Variants in CLMP observed in about 807,000 individuals in gnomAD.
CLMP encodes the protein CXADR-like membrane protein.
In CLMP, 27 loss-of-function variants were observed where a neutral mutation model predicts 45.2. That is an observed-to-expected ratio of 0.60 (90% CI 0.44 to 0.82). The LOEUF (loss-of-function observed/expected upper bound fraction) is 0.82, where lower values mean the gene tolerates loss of function less well. Among genes scored for constraint, CLMP ranks in the 40% least tolerant of loss-of-function variants. The pLI is 0.00. For missense variants in CLMP, 403 were observed against 448.4 expected (o/e 0.90, Z 0.91); for synonymous variants, 167 against 171.4 (o/e 0.97, Z 0.20).
chr11:123,120,503 C>T (rs572660189), intron 1 of CLMP, among the ~76,000 whole-genome samples: 2 of 152,194 alleles, frequency 1.3e-5, no homozygotes, highest in Non-Finnish European at 2.9e-5. Flanking sequence ...TCTAGTTCTA[C>T]AAGCTTGGGC....
chr11:123,150,472 A>AAGG (rs1861304616), intron 1 of CLMP, among the ~76,000 whole-genome samples: 8 of 84,342 alleles, frequency 9.5e-5, no homozygotes, highest in East Asian at 3.0e-4. Flanking sequence ...AGAAAGAAAG[A>AAGG]AAGAAAGAAA....
chr11:123,138,116 C>T (rs992950212), intron 1 of CLMP, among the ~76,000 whole-genome samples: 53 of 152,146 alleles, frequency 3.5e-4, no homozygotes, highest in African/African-American at 1.2e-3. Context: ...CCCTAATTCC[C>T]TCGGATGAGA....
At chr11:123,150,885 T>C (rs11822793) in intron 1 of CLMP, among the ~76,000 whole-genome samples, 41,207 of 152,050 alleles carry the variant, frequency 0.27, 5,830 homozygotes, top group South Asian at 0.34. Context: ...CCTAGCATAT[T>C]AGAGACGGGG....
chr11:123,164,460 C>T (rs1187058292), intron 1 of CLMP, among the ~76,000 whole-genome samples: 4 of 152,104 alleles, frequency 2.6e-5, no homozygotes, highest in African/African-American at 2.4e-5. Context: ...CGTGCCACCA[C>T]GCCTAGCTAG....
chr11:123,150,416 TAAGAAAGAAAGAAAGAAAGAAAGAAAGA>T (rs1166159977), intron 1 of CLMP, among the ~76,000 whole-genome samples: 10 of 30,936 alleles, frequency 3.2e-4, no homozygotes, highest in Admixed American at 4.7e-4. Flanking sequence ...GGAAGGAAGG[TAAGAAAGAAAGAAAGAAAGAAAGAAAGA>T]AAGAAAGAAA....
intron 1 of CLMP, among the ~76,000 whole-genome samples, chr11:123,149,250 G>A (rs952704822): frequency 3.3e-5 from 5 of 152,154 alleles, no homozygotes; most frequent in Non-Finnish European, 7.3e-5. Flanking sequence ...GCCTTCAGAG[G>A]AAACACCACT....
chr11:123,141,871 G>A (rs1354121824), intron 1 of CLMP, among the ~76,000 whole-genome samples: 4 of 151,670 alleles, frequency 2.6e-5, no homozygotes, highest in African/African-American at 7.3e-5. Flanking sequence ...CTTCGCTTTT[G>A]TATGAGAAAA....
At chr11:123,145,781 G>T (rs1289209574) in intron 1 of CLMP, among the ~76,000 whole-genome samples, 1 of 152,164 alleles carries the variant, frequency 6.6e-6, no homozygotes, top group Non-Finnish European at 1.5e-5. Context: ...TGGTTTTAAT[G>T]TGCTGACTGA....
At chr11:123,125,483 T>G in intron 1 of CLMP, among the ~76,000 whole-genome samples, 1 of 28,928 alleles carries the variant, frequency 3.5e-5, no homozygotes, top group Non-Finnish European at 6.8e-5. Context: ...CCCTCCTCCC[T>G]CCCTCCTTCC....
chr11:123,195,106 TG>T lies in CLMP; in HGVS notation c.-167del, dbSNP rs1197758390. ...GAGCCGGCCCCGCGCCCCGTGCCCC[TG>T]GGGGCAGATGGGCTCCCGGCGCTCG... is the stretch of plus-strand genomic sequence containing the variant. On this transcript the variant is annotated 5_prime_UTR_variant, in exon 1 of 7. Coordinates refer to ENST00000448775, the MANE Select transcript of CLMP (RefSeq NM_024769.5). The T allele has an allele frequency of 4.1e-5, 16 of 393,594 alleles. No homozygotes were observed. The highest frequency in any genetic ancestry group is 7.5e-4 in the Middle Eastern group (1 of 1,342). 24.4% of individuals were successfully genotyped at this position (393,594 alleles called of 1,614,324 possible).
intron 5 of CLMP, among the ~76,000 whole-genome samples, chr11:123,077,003 T>C (rs1591447935): frequency 2.7e-5 from 4 of 146,646 alleles, no homozygotes; most frequent in Admixed American, 2.7e-4. Flanking sequence ...TTTTTTTTTT[T>C]TTTTTTTTTT....
chr11:123,176,959 G>A (rs1861708172), intron 1 of CLMP, among the ~76,000 whole-genome samples: 1 of 152,180 alleles, frequency 6.6e-6, no homozygotes. Context: ...TACAGAGGAT[G>A]CAAAGAAGAA....
intron 2 of CLMP, among the ~76,000 whole-genome samples, chr11:123,086,738 T>A (rs1865869280): frequency 6.6e-6 from 1 of 152,154 alleles, no homozygotes; most frequent in Non-Finnish European, 1.5e-5. Context: ...GGGGGCCAGA[T>A]GCGTGGTGGT....
Position 123,148,732 on chromosome 11 carries a change from G to C in CLMP, c.28+46181C>G, listed in dbSNP as rs1447293108. ...CCCTCATGTCCTAGAAGCCTCATCT[G>C]TACCTGCCTAACATTTACAGTGGGA... is the stretch of plus-strand genomic sequence containing the variant. On this transcript the variant is annotated intron_variant, in intron 1 of 6. Transcript: ENST00000448775. Among the ~76,000 whole-genome samples, 5 of 152,168 alleles carry C rather than the reference G, an allele frequency of 3.3e-5. No homozygotes were observed. In the East Asian group the frequency reaches 5.8e-4, roughly 18 times the overall value.
In CLMP at chr11:123,073,294, C is replaced by G; in HGVS notation, c.*180G>C. 1 of 659,378 alleles carries G rather than the reference C, an allele frequency of 1.5e-6. No individual in the cohort carries two copies. The highest frequency in any genetic ancestry group is 2.5e-6 in the Non-Finnish European group (1 of 400,058). The allele number at this position is 659,378 out of a possible 1,614,324, so 40.8% of individuals were successfully genotyped here. ...TTTTTACAGATGAATCAGCTTACAT[C>G]CTTTTGCTTGTTTGGTATTGTATAA... On this transcript the variant is annotated 3_prime_UTR_variant, in exon 7 of 7. Transcript: ENST00000448775.
chr11:123,086,371 G>C (rs2135471291), intron 2 of CLMP, among the ~76,000 whole-genome samples: 1 of 152,312 alleles, frequency 6.6e-6, no homozygotes, highest in African/African-American at 2.4e-5. Flanking sequence ...AAGGAGAAAA[G>C]GCCTGGAGGG....
At chr11:123,161,159 G>A (rs1861482568) in intron 1 of CLMP, among the ~76,000 whole-genome samples, 1 of 152,152 alleles carries the variant, frequency 6.6e-6, no homozygotes, top group African/African-American at 2.4e-5. Flanking sequence ...CCAGCCCTGG[G>A]CCTAGCCCTG....
chr11:123,171,394 G>A lies in CLMP; in HGVS notation c.28+23519C>T, dbSNP rs79401927. Among the ~76,000 whole-genome samples the A allele has an allele frequency of 2.7e-3, 408 of 151,676 alleles. 1 individual carries two copies. The highest frequency in any genetic ancestry group is 8.7e-3 in the African/African-American group (361 of 41,414). On this transcript the variant is annotated intron_variant, in intron 1 of 6. Coordinates refer to ENST00000448775, the MANE Select transcript of CLMP (RefSeq NM_024769.5). ...AAAGGGAGTGGGACTGGAGAAGGGA[G>A]GGTATTTGGGAGACTATTCCCTAAG...
chr11:123,113,592 G>A (rs529803615), intron 1 of CLMP, among the ~76,000 whole-genome samples: 4 of 152,178 alleles, frequency 2.6e-5, no homozygotes, highest in Non-Finnish European at 4.4e-5. Flanking sequence ...TGACTTCTGC[G>A]TTTGGCAGAT....
Sources: allele counts gnomAD v4.1 joint callset (sites outside exome capture counted in the v4.1 genomes callset), GRCh38; gene constraint gnomAD v4.1.1; transcripts MANE v1.5; gene names NCBI Gene and HGNC (gene_info 2026-07-23, HGNC 2026-07-21).